The following NTM variants were observed in gnomAD, a reference collection of about 807,000 sequenced individuals.
NTM encodes the protein neurotrimin, also known as IgLON family member 2.
A neutral mutation model predicts 42.1 loss-of-function variants in NTM; 13 were observed. That is an observed-to-expected ratio of 0.31 (90% CI 0.20 to 0.49). NTM has a LOEUF of 0.49. Ranked by LOEUF, NTM falls within the 20% of genes least tolerant of loss-of-function variation. The pLI is 0.99. For synonymous variants in NTM, 187 were observed against 179.2 expected (o/e 1.04, Z -0.35); for missense variants, 373 against 452.8 (o/e 0.82, Z 1.60).
intron 1 of NTM, among the ~76,000 whole-genome samples, chr11:131,782,345 T>C (rs1052377376): frequency 7.9e-5 from 12 of 151,414 alleles, no homozygotes; most frequent in African/African-American, 2.4e-4. Flanking sequence ...CAAGAATAAA[T>C]AGAATACATA....
At chr11:132,123,642 G>A (rs2065196996) in intron 2 of NTM, among the ~76,000 whole-genome samples, 1 of 152,200 alleles carries the variant, frequency 6.6e-6, no homozygotes, top group South Asian at 2.1e-4. Flanking sequence ...CATTTGATGA[G>A]CCAGCCAACA....
chr11:132,335,028 AGT>A lies in NTM; in HGVS notation c.968-13_968-12del. On this transcript the variant is annotated splice_polypyrimidine_tract_variant and intron_variant, in intron 8 of 8. Coordinates refer to ENST00000683400, the MANE Select transcript of NTM (RefSeq NM_001352005.2). The stretch of plus-strand genomic sequence containing the variant: ...ATTTTCTCCCAGACCACTCACGGCG[AGT>A]GTGTTCTCTCCACAGGTCCAGGCGC... 6.2e-7 allele frequency: 1 copy of A among 1,610,214 alleles called. No individual in the cohort carries two copies. Among genetic ancestry groups the A allele is most frequent in the Non-Finnish European group, 8.5e-7 (1 of 1,179,244 alleles).
intron 2 of NTM, among the ~76,000 whole-genome samples, chr11:132,075,317 G>A (rs1283271671): frequency 6.6e-6 from 1 of 152,174 alleles, no homozygotes; most frequent in Non-Finnish European, 1.5e-5. Context: ...CTCATGGTAA[G>A]TGTTCTTGCT....
chr11:131,929,876 G>A (rs2134073427), intron 2 of NTM, among the ~76,000 whole-genome samples: 1 of 152,284 alleles, frequency 6.6e-6, no homozygotes, highest in East Asian at 1.9e-4. Flanking sequence ...TCCTGCGATG[G>A]CTGAAATCCG....
intron 2 of NTM, among the ~76,000 whole-genome samples, chr11:132,085,954 C>T (rs555375077): frequency 7.2e-5 from 11 of 152,184 alleles, no homozygotes; most frequent in East Asian, 3.9e-4. Context: ...ATGGAATCCA[C>T]GGTGCCTTTT....
chr11:132,272,299 A>G (rs1265575842), intron 4 of NTM, among the ~76,000 whole-genome samples: 1 of 152,076 alleles, frequency 6.6e-6, no homozygotes, highest in Non-Finnish European at 1.5e-5. Context: ...GATATTTGGA[A>G]TCTGGAAATG....
intron 1 of NTM, among the ~76,000 whole-genome samples, chr11:131,548,777 A>G (rs1466840393): frequency 6.6e-6 from 1 of 152,188 alleles, no homozygotes. Flanking sequence ...TAGCACGTAC[A>G]TGGAATGAAA....
At chr11:131,793,138 G>A (rs926702921) in intron 1 of NTM, among the ~76,000 whole-genome samples, 1 of 152,222 alleles carries the variant, frequency 6.6e-6, no homozygotes, top group Non-Finnish European at 1.5e-5. Flanking sequence ...TGCAACACAC[G>A]AAGGACTACC....
chr11:131,500,573 ATATATT>A (rs1460613358), intron 1 of NTM, among the ~76,000 whole-genome samples: 19 of 39,758 alleles, frequency 4.8e-4, no homozygotes, highest in African/African-American at 1.4e-3. Flanking sequence ...ATATATATAT[ATATATT>A]TTTTTTTTTT....
chr11:132,260,149 C>T (rs2092757619), intron 4 of NTM, among the ~76,000 whole-genome samples: 2 of 152,180 alleles, frequency 1.3e-5, no homozygotes, highest in African/African-American at 4.8e-5. Flanking sequence ...AAGAACTCAG[C>T]CTGGCACCAA....
intron 1 of NTM, among the ~76,000 whole-genome samples, chr11:131,509,294 A>G (rs1003502482): frequency 6.6e-6 from 1 of 151,778 alleles, no homozygotes; most frequent in African/African-American, 2.4e-5. Flanking sequence ...TTTTGGTGCC[A>G]CTCTGCATGG....
chr11:131,452,531 A>G (rs1333734798), intron 1 of NTM, among the ~76,000 whole-genome samples: 1 of 152,238 alleles, frequency 6.6e-6, no homozygotes, highest in Non-Finnish European at 1.5e-5. Context: ...GGAAGAAGTT[A>G]ATGATAACTT....
intron 3 of NTM, among the ~76,000 whole-genome samples, chr11:132,200,013 T>G (rs2080908131): frequency 6.6e-6 from 1 of 152,160 alleles, no homozygotes; most frequent in South Asian, 2.1e-4. Flanking sequence ...CACTGTGACA[T>G]TTCACAGGGG....
At chr11:132,195,627 G>A (rs1015885796) in intron 3 of NTM, among the ~76,000 whole-genome samples, 3 of 152,070 alleles carry the variant, frequency 2.0e-5, no homozygotes, top group Non-Finnish European at 2.9e-5. Context: ...CAACAGAACA[G>A]GATAGAGGCC....
intron 3 of NTM, among the ~76,000 whole-genome samples, chr11:132,202,139 T>G (rs2081257681): frequency 6.6e-6 from 1 of 152,190 alleles, no homozygotes; most frequent in Non-Finnish European, 1.5e-5. Context: ...GCTGTCAGTT[T>G]TCAGGGACAC....
intron 1 of NTM, among the ~76,000 whole-genome samples, chr11:131,452,121 G>A (rs1950534257): frequency 6.6e-6 from 1 of 152,214 alleles, no homozygotes; most frequent in South Asian, 2.1e-4. Context: ...AGAAGTGGGG[G>A]GAGGGATTGA....
chr11:132,023,594 C>G (rs1209791990), intron 2 of NTM, among the ~76,000 whole-genome samples: 1 of 152,174 alleles, frequency 6.6e-6, no homozygotes, highest in African/African-American at 2.4e-5. Flanking sequence ...CAGACTCCTT[C>G]TCACCAAGAG....
chr11:132,134,723 A>C (rs1227299550), intron 2 of NTM, among the ~76,000 whole-genome samples: 5 of 58,580 alleles, frequency 8.5e-5, no homozygotes, highest in African/African-American at 3.2e-4. Flanking sequence ...ATATATATAT[A>C]TATATATATA....
chr11:132,102,046 T>C (rs2061689981), intron 2 of NTM, among the ~76,000 whole-genome samples: 4 of 152,204 alleles, frequency 2.6e-5, no homozygotes, highest in Admixed American at 2.6e-4. Flanking sequence ...CATTGCCTGC[T>C]TCACGCCTCT....
Sources: allele counts gnomAD v4.1 joint callset (sites outside exome capture counted in the v4.1 genomes callset), GRCh38; gene constraint gnomAD v4.1.1; transcripts MANE v1.5; gene names NCBI Gene and HGNC (gene_info 2026-07-23, HGNC 2026-07-21).